Variants in GABRA5 observed in about 807,000 individuals in gnomAD.
GABRA5 encodes the protein gamma-aminobutyric acid receptor subunit alpha-5.
Under a neutral mutation model 47.3 loss-of-function variants are expected in GABRA5, and 18 were observed. The ratio of observed to expected loss-of-function variants is 0.38; its 90% CI spans 0.26 to 0.56. GABRA5 has a LOEUF of 0.56. Ranked by LOEUF, GABRA5 falls within the 20% of genes least tolerant of loss-of-function variation. The probability of loss-of-function intolerance (pLI) is 0.71; values close to 1 mark genes in which losing one functional copy is unlikely to be tolerated. For missense variants in GABRA5, 365 were observed against 599.3 expected (o/e 0.61, Z 4.08); for synonymous variants, 237 against 229.3 (o/e 1.03, Z -0.30).
intron 3 of GABRA5, among the ~76,000 whole-genome samples, chr15:26,879,734 C>T (rs1018997287): frequency 1.2e-4 from 19 of 152,172 alleles, no homozygotes; most frequent in Non-Finnish European, 2.5e-4. Context: ...AGCATCTCTC[C>T]ATGGCTGGTG....
intron 7 of GABRA5, among the ~76,000 whole-genome samples, chr15:26,932,943 T>C (rs1894144046): frequency 6.6e-6 from 1 of 151,880 alleles, no homozygotes; most frequent in Non-Finnish European, 1.5e-5. Context: ...CTGAGGCCTG[T>C]GGTGGGGTAG....
chr15:26,922,069 T>G (rs1474775176), intron 7 of GABRA5, among the ~76,000 whole-genome samples: 1 of 152,196 alleles, frequency 6.6e-6, no homozygotes, highest in Non-Finnish European at 1.5e-5. Context: ...TTGTGGTTGC[T>G]GGGTGGATTG....
intron 3 of GABRA5, among the ~76,000 whole-genome samples, chr15:26,878,962 G>A (rs547256599): frequency 6.6e-6 from 1 of 152,274 alleles, no homozygotes; most frequent in Non-Finnish European, 1.5e-5. Context: ...GGAAAACAAC[G>A]CTCACAGAGA....
At chr15:26,926,474 T>A (rs1273783186) in intron 7 of GABRA5, among the ~76,000 whole-genome samples, 1 of 152,190 alleles carries the variant, frequency 6.6e-6, no homozygotes, top group East Asian at 1.9e-4. Flanking sequence ...GATTAAGATA[T>A]ACATTTATTT....
intron 7 of GABRA5, among the ~76,000 whole-genome samples, chr15:26,935,797 C>G (rs932063925): frequency 6.6e-6 from 1 of 152,218 alleles, no homozygotes; most frequent in Non-Finnish European, 1.5e-5. Flanking sequence ...CTTCCTCTCC[C>G]TGCTTCCCTT....
At chr15:26,910,426 C>G (rs1330540399) in intron 6 of GABRA5, among the ~76,000 whole-genome samples, 1 of 152,018 alleles carries the variant, frequency 6.6e-6, no homozygotes, top group Non-Finnish European at 1.5e-5. Context: ...ATGGTGAAAG[C>G]CTGTCTCTAC....
chr15:26,901,970 G>A (rs551835007), intron 6 of GABRA5, among the ~76,000 whole-genome samples: 2 of 151,924 alleles, frequency 1.3e-5, no homozygotes, highest in African/African-American at 4.8e-5. Context: ...ATTTTTGGGT[G>A]GCTATTTCTG....
intron 6 of GABRA5, among the ~76,000 whole-genome samples, chr15:26,905,108 T>C (rs1482720215): frequency 1.3e-5 from 2 of 152,146 alleles, no homozygotes; most frequent in Non-Finnish European, 2.9e-5. Context: ...CATAGATGGC[T>C]CTTATTATTT....
chr15:26,943,734 T>G (rs990980651), intron 10 of GABRA5, among the ~76,000 whole-genome samples: 5 of 152,158 alleles, frequency 3.3e-5, no homozygotes, highest in African/African-American at 1.2e-4. Flanking sequence ...TTACGCTCAT[T>G]TTATCTCATT....
At chr15:26,923,140 C>T (rs796471642) in intron 7 of GABRA5, among the ~76,000 whole-genome samples, 5 of 152,262 alleles carry the variant, frequency 3.3e-5, no homozygotes, top group African/African-American at 1.2e-4. Context: ...TTTGAAAACT[C>T]AATAGACAAA....
chr15:26,889,552 C>T (rs143190488), intron 6 of GABRA5, among the ~76,000 whole-genome samples: 2,717 of 152,172 alleles, frequency 0.018, 73 homozygotes, highest in African/African-American at 0.062. Flanking sequence ...TATCAAATAG[C>T]ATTAATAGGT....
At chr15:26,921,085 A>G (rs989440769) in intron 7 of GABRA5, among the ~76,000 whole-genome samples, 1 of 152,124 alleles carries the variant, frequency 6.6e-6, no homozygotes, top group Non-Finnish European at 1.5e-5. Context: ...GTTTTTGCAT[A>G]TATATTCATT....
intron 6 of GABRA5, among the ~76,000 whole-genome samples, chr15:26,897,019 A>G (rs954746707): frequency 1.1e-5 from 1 of 90,120 alleles, no homozygotes; most frequent in African/African-American, 3.6e-5. Context: ...CATCTTAGAG[A>G]TGTAGAGATG....
chr15:26,933,977 C>T (rs1444788289), intron 7 of GABRA5, among the ~76,000 whole-genome samples: 2 of 152,114 alleles, frequency 1.3e-5, no homozygotes, highest in African/African-American at 4.8e-5. Flanking sequence ...GCTGCTGTTA[C>T]TCTGCTCATT....
At chr15:26,930,438 A>G (rs1472449903) in intron 7 of GABRA5, among the ~76,000 whole-genome samples, 1 of 152,156 alleles carries the variant, frequency 6.6e-6, no homozygotes, top group African/African-American at 2.4e-5. Context: ...ATTCAACTCC[A>G]TTACTCCTAG....
chr15:26,944,522 G>C (rs574862852), intron 10 of GABRA5, among the ~76,000 whole-genome samples: 1 of 152,290 alleles, frequency 6.6e-6, no homozygotes, highest in Non-Finnish European at 1.5e-5. Flanking sequence ...GAAGGGCCTC[G>C]GGCATGGGTA....
chr15:26,939,770 A>T (rs577196277), intron 8 of GABRA5, among the ~76,000 whole-genome samples, 155 bp from the exon 9 acceptor site: 19 of 152,188 alleles, frequency 1.2e-4, no homozygotes, highest in African/African-American at 4.3e-4. Context: ...TAACAAATTC[A>T]TGCATCCTCC....
At chr15:26,931,252 G>A (rs1369681638) in intron 7 of GABRA5, among the ~76,000 whole-genome samples, 1 of 152,006 alleles carries the variant, frequency 6.6e-6, no homozygotes, top group Non-Finnish European at 1.5e-5. Flanking sequence ...CCAAATATTG[G>A]GTAGCTCATA....
At chr15:26,939,328 G>T in intron 8 of GABRA5, 1 of 765,286 alleles carries the variant, frequency 1.3e-6, no homozygotes, top group Non-Finnish European at 2.4e-6. Context: ...AGAAGGCACT[G>T]GGGCATCGCC....
Sources: gnomAD v4.1 joint callset for allele counts (sites outside exome capture counted in the v4.1 genomes callset) on GRCh38, gnomAD v4.1.1 for gene constraint, MANE v1.5 for transcripts, NCBI Gene and HGNC (gene_info 2026-07-23, HGNC 2026-07-21) for gene names.